Variants in PDE10A observed in about 807,000 individuals in gnomAD.
PDE10A encodes phosphodiesterase 10A, also known as cAMP and cAMP-inhibited cGMP 3',5'-cyclic phosphodiesterase 10A.
In PDE10A, 39 loss-of-function variants were observed where a neutral mutation model predicts 97.7. That is an observed-to-expected ratio of 0.40 (90% CI 0.31 to 0.52). PDE10A has a LOEUF of 0.52. PDE10A is among the 20% of genes least tolerant of loss of function. The pLI, the probability that PDE10A is intolerant of heterozygous loss-of-function variation, is 0.56. For synonymous variants in PDE10A, 371 were observed against 376.8 expected, an observed-to-expected ratio of 0.98 and a Z score of 0.18; for missense variants, 731 against 1,047.8, an observed-to-expected ratio of 0.70 and a Z score of 4.17.
In PDE10A at chr6:165,625,072, T is replaced by TGA. The variant is rs546529793; in HGVS notation, c.865+36873_865+36874dup. Among the ~76,000 whole-genome samples the TGA allele has an allele frequency of 3.3e-5, 5 of 151,924 alleles. No individual in the cohort carries two copies. In the South Asian group the frequency reaches 8.3e-4, roughly 25 times the overall value. ...ATGGAGAACAATGCACTTGACCCAG[T>TGA]GAGAGAGAGAGTGCTGGAGAGACGG... On this transcript the variant is annotated intron_variant, in intron 1 of 21. Transcript: ENST00000539869.
intron 5 of PDE10A, among the ~76,000 whole-genome samples, chr6:165,439,395 TAA>T (rs1790269914): frequency 6.6e-6 from 1 of 152,172 alleles, no homozygotes; most frequent in Non-Finnish European, 1.5e-5. Flanking sequence ...GGAAAAACTT[TAA>T]AGTTTCAAAC....
chr6:165,460,561 C>T (rs1016282316), intron 3 of PDE10A, among the ~76,000 whole-genome samples: 20 of 152,180 alleles, frequency 1.3e-4, no homozygotes, highest in Non-Finnish European at 2.6e-4. Flanking sequence ...CAGGAGCAGA[C>T]ATTTCCATCA....
At chr6:165,972,864 T>TA (rs1302073909) in intron 1 of PDE10A, among the ~76,000 whole-genome samples, 1 of 152,116 alleles carries the variant, frequency 6.6e-6, no homozygotes, top group African/African-American at 2.4e-5. Flanking sequence ...TCACTCACAA[T>TA]AAAAAATGTG....
At chr6:165,344,462 G>A (rs1371209897) in intron 18 of PDE10A, among the ~76,000 whole-genome samples, 4 of 152,096 alleles carry the variant, frequency 2.6e-5, no homozygotes, top group Non-Finnish European at 5.9e-5. Flanking sequence ...ATCTCAATTC[G>A]AATGAGTTTA....
intron 1 of PDE10A, among the ~76,000 whole-genome samples, chr6:165,702,140 G>A (rs1791595688): frequency 7.9e-5 from 12 of 152,252 alleles, no homozygotes; most frequent in Admixed American, 6.5e-4. Context: ...CCACCTCATC[G>A]TGGGGGAATT....
At chr6:165,978,899 G>T (rs1784924035) in intron 1 of PDE10A, among the ~76,000 whole-genome samples, 1 of 152,116 alleles carries the variant, frequency 6.6e-6, no homozygotes, top group Non-Finnish European at 1.5e-5. Flanking sequence ...AAGTACTTCA[G>T]CCAAGAATAA....
intron 1 of PDE10A, among the ~76,000 whole-genome samples, chr6:165,937,682 T>C (rs774309406): frequency 2.6e-5 from 4 of 152,210 alleles, no homozygotes; most frequent in Non-Finnish European, 4.4e-5. Context: ...GTGAACATTT[T>C]GGCCACTAGA....
At chr6:165,381,986 T>C (rs947470538) in intron 17 of PDE10A, among the ~76,000 whole-genome samples, 2 of 152,202 alleles carry the variant, frequency 1.3e-5, no homozygotes, top group Non-Finnish European at 2.9e-5. Flanking sequence ...TATAGTTACA[T>C]AGTTTGAAGT....
At chr6:165,728,496 G>T (rs779638995) in intron 1 of PDE10A, among the ~76,000 whole-genome samples, 6 of 152,098 alleles carry the variant, frequency 3.9e-5, no homozygotes, top group Admixed American at 2.6e-4. Context: ...TGAAGAAAAA[G>T]AATCTGTTTG....
At chr6:165,444,392 T>C (rs1790689697) in intron 5 of PDE10A, among the ~76,000 whole-genome samples, 1 of 152,090 alleles carries the variant, frequency 6.6e-6, no homozygotes, top group African/African-American at 2.4e-5. Flanking sequence ...ATATACTGAG[T>C]TTAGTATGTG....
At chr6:165,738,415 T>C (rs918816242) in intron 1 of PDE10A, among the ~76,000 whole-genome samples, 1 of 150,578 alleles carries the variant, frequency 6.6e-6, no homozygotes, top group Non-Finnish European at 1.5e-5. Context: ...TCTATCATTG[T>C]TGGACATTTG....
At chr6:165,708,009 ACT>A (rs1791762389) in intron 1 of PDE10A, among the ~76,000 whole-genome samples, 1 of 151,914 alleles carries the variant, frequency 6.6e-6, no homozygotes, top group Non-Finnish European at 1.5e-5. Context: ...ATTTTTAAAA[ACT>A]CAACACAAAC....
At chr6:165,506,115 A>C (rs1209093657) in intron 2 of PDE10A, among the ~76,000 whole-genome samples, 2 of 152,106 alleles carry the variant, frequency 1.3e-5, no homozygotes, top group East Asian at 3.9e-4. Flanking sequence ...TAACTATATA[A>C]GTACTTTTGT....
intron 2 of PDE10A, among the ~76,000 whole-genome samples, chr6:165,483,596 C>A (rs1779727288): frequency 6.6e-6 from 1 of 152,176 alleles, no homozygotes; most frequent in Non-Finnish European, 1.5e-5. Context: ...TCTAAAGTTA[C>A]AGAGGCATAT....
chr6:165,438,178 T>C (rs556752133), intron 5 of PDE10A, among the ~76,000 whole-genome samples: 5 of 152,226 alleles, frequency 3.3e-5, no homozygotes, highest in South Asian at 2.1e-4. Flanking sequence ...AGACGCTTTT[T>C]TTAATTTTTA....
chr6:165,532,022 A>C (rs1782809258), intron 2 of PDE10A, among the ~76,000 whole-genome samples: 1 of 152,128 alleles, frequency 6.6e-6, no homozygotes, highest in Non-Finnish European at 1.5e-5. Context: ...AAACCCAAAA[A>C]CTTTTTTAAA....
upstream of PDE10A, among the ~76,000 whole-genome samples, chr6:165,664,976 G>T (rs1449034416): frequency 6.6e-6 from 1 of 152,184 alleles, no homozygotes; most frequent in Non-Finnish European, 1.5e-5. Flanking sequence ...TATTTGTCCT[G>T]GGAGCCCTTA....
At chr6:165,677,915 T>A (rs1421411039) in intron 1 of PDE10A, among the ~76,000 whole-genome samples, 1 of 152,058 alleles carries the variant, frequency 6.6e-6, no homozygotes, top group Non-Finnish European at 1.5e-5. Flanking sequence ...TATTTGTGTA[T>A]GTGTTTTTGT....
intron 1 of PDE10A, among the ~76,000 whole-genome samples, chr6:165,787,681 T>C (rs1164630389): frequency 1.3e-5 from 2 of 152,236 alleles, no homozygotes; most frequent in Admixed American, 1.3e-4. Context: ...TCTTATTCAG[T>C]AATTCATCCA....
Sources: allele counts gnomAD v4.1 joint callset (sites outside exome capture counted in the v4.1 genomes callset), GRCh38; gene constraint gnomAD v4.1.1; transcripts MANE v1.5; gene names NCBI Gene and HGNC (gene_info 2026-07-23, HGNC 2026-07-21).